GCN1: variants seen among roughly 807,000 people sequenced by gnomAD.
GCN1 encodes the protein GCN1 activator of EIF2AK4.
GCN1 carries 90 observed loss-of-function variants against 288.4 expected under a neutral mutation model. The ratio of observed to expected loss-of-function variants is 0.31; its 90% confidence interval spans 0.26 to 0.37. The LOEUF is 0.37. Ranked by LOEUF, GCN1 falls within the 10% of genes least tolerant of loss-of-function variation. GCN1 has a pLI of 1.00. For missense variants in GCN1, 2,586 were observed against 3,419.9 expected, an observed-to-expected ratio of 0.76 and a Z score of 6.08; for synonymous variants, 1,386 against 1,420.2, an observed-to-expected ratio of 0.98 and a Z score of 0.54.
chr12:120,167,954 C>G (rs943158852), intron 16 of GCN1, among the ~76,000 whole-genome samples: 1 of 152,022 alleles, frequency 6.6e-6, no homozygotes, highest in Non-Finnish European at 1.5e-5. Context: ...ACCCAATCAG[C>G]TATAATTACA....
At chr12:120,182,632 C>T (rs1308962414) in intron 5 of GCN1, among the ~76,000 whole-genome samples, 2 of 152,132 alleles carry the variant, frequency 1.3e-5, no homozygotes. Flanking sequence ...TCAGCCAAGT[C>T]TCATGGACAA....
Position 120,137,563 on chromosome 12 carries a change from G to T in GCN1, c.6645C>A (p.Ala2215=). The T allele has an allele frequency of 6.2e-7, 1 of 1,614,126 alleles. No homozygotes were observed. Among genetic ancestry groups the T allele is most frequent in the Non-Finnish European group, 8.5e-7 (1 of 1,179,990 alleles). The part of the protein sequence containing the change: ...SPVVLEESWD[A]LNAITKKLDA... ...CCCTCACCTTAGTGATGGCATTTAG[G>T]GCATCCCAGCTCTCCTCCAGAACCA... Residue 2215 remains alanine, a synonymous_variant, in exon 49 of 58, where the codon GCC becomes GCA. Transcript: ENST00000300648. This position sits in a 1 kb window ranked among gnomAD's most constrained non-coding sequence, Gnocchi z 5.2.
At chr12:120,149,555 C>T in intron 36 of GCN1, 51 bp downstream of exon 36, 2 of 1,297,624 alleles carry the variant, frequency 1.5e-6, no homozygotes, top group Non-Finnish European at 2.2e-6. Context: ...CTTGCTGAGG[C>T]TGGTTTTCAT....
At chr12:120,183,757 G>C (rs1878739249) in intron 4 of GCN1, 80 bp from the exon 5 acceptor site, 4 of 826,440 alleles carry the variant, frequency 4.8e-6, no homozygotes, top group Non-Finnish European at 8.4e-6. Flanking sequence ...GCCCCGCCTG[G>C]TAATGCAGGA....
rs759230413 is a variant in GCN1, at chr12:120,155,491, C to T, written c.3441-61G>A. On this transcript the variant is annotated intron_variant, in intron 29 of 57. Coordinates refer to ENST00000300648, the MANE Select transcript of GCN1 (RefSeq NM_006836.2). This position sits in a 1 kb window ranked among gnomAD's most constrained non-coding sequence, Gnocchi z 4.9. ...AGATCTGCAGCACTTGCCCTGCCAG[C>T]CCAGCCCTTCTTCCCACTGGAGGCT... The T allele has an allele frequency of 4.0e-5, 64 of 1,601,164 alleles. 1 individual carries two copies. In the South Asian group the frequency reaches 6.6e-4, roughly 17 times the overall value.
chr12:120,192,392 G>A (rs1879031001), intron 1 of GCN1, among the ~76,000 whole-genome samples: 1 of 152,064 alleles, frequency 6.6e-6, no homozygotes, highest in Admixed American at 6.6e-5. Flanking sequence ...AAATGTTCTG[G>A]CCAAATACAG....
In GCN1 at chr12:120,142,546, C is replaced by G; in HGVS notation, c.5790G>C (p.Leu1930=). 1 of 1,613,996 alleles carries G rather than the reference C, an allele frequency of 6.2e-7. No homozygotes were observed. The change falls in exon 44 of 58, where the codon CTG becomes CTC. Residue 1930 remains leucine (L), a synonymous_variant. Coordinates refer to ENST00000300648, the MANE Select transcript of GCN1 (RefSeq NM_006836.2). The surrounding 1 kb of genome is among the most constrained non-coding windows in gnomAD (Gnocchi z 4.9). ...CACACGTGCTGGCCAGGAAACCCAG[C>G]AGGAGCCCAAAGAGAGTGGGTAGGA... ...REILPTLFGL[L]LGFLASTCAD...
At chr12:120,128,517 G>A (rs925644829) in intron 57 of GCN1, among the ~76,000 whole-genome samples, 4 of 151,734 alleles carry the variant, frequency 2.6e-5, no homozygotes, top group Non-Finnish European at 5.9e-5. Context: ...TGTATTTTTA[G>A]TAGAGACGGG....
rs371175163 is a variant in GCN1, at chr12:120,156,652, C to T, written c.3169-48G>A. 68 of 1,597,560 alleles carry T rather than the reference C, an allele frequency of 4.3e-5. No individual in the cohort carries two copies. In the African/African-American group the frequency reaches 9.1e-4, roughly 21 times the overall value. ...GGTTCAGTCAGCAACTCATTTACTA[C>T]TAGGGGGCCAGAGAGGGATATGCAC... On this transcript the variant is annotated intron_variant, in intron 27 of 57. Coordinates refer to ENST00000300648, the MANE Select transcript of GCN1 (RefSeq NM_006836.2). This position sits in a 1 kb window ranked among gnomAD's most constrained non-coding sequence, Gnocchi z 5.8.
intron 45 of GCN1, chr12:120,139,084 C>T (rs1221309744): frequency 3.8e-5 from 13 of 345,812 alleles, no homozygotes; most frequent in East Asian, 1.1e-4. Flanking sequence ...CCAAGGTGGG[C>T]GGATGACTTG....
intron 8 of GCN1, 64 bp from the exon 9 acceptor site, chr12:120,177,619 T>C (rs1373807400): frequency 1.9e-6 from 3 of 1,545,288 alleles, no homozygotes; most frequent in East Asian, 2.2e-5. Flanking sequence ...CAAAAAAGAG[T>C]TCAGCATCCC....
At chr12:120,169,650 T>G (rs145001768) in intron 15 of GCN1, among the ~76,000 whole-genome samples, 4 of 152,070 alleles carry the variant, frequency 2.6e-5, no homozygotes, top group African/African-American at 9.7e-5. Flanking sequence ...ATTACAGGCA[T>G]GCGCCACCAC....
In GCN1 at chr12:120,134,228, A is replaced by G. The variant is rs915786501; in HGVS notation, c.7317+63T>C. 8 of 1,089,310 alleles carry G rather than the reference A, an allele frequency of 7.3e-6. No individual in the cohort carries two copies. Among genetic ancestry groups the G allele is most frequent in the Non-Finnish European group, 1.1e-5 (8 of 707,188 alleles). 67.5% of individuals were successfully genotyped at this position (1,089,310 alleles called of 1,614,324 possible). On this transcript the variant is annotated intron_variant, in intron 53 of 57. Transcript: ENST00000300648. The surrounding 1 kb of genome is among the most constrained non-coding windows in gnomAD (Gnocchi z 5.0). Reference sequence around the variant, plus strand: ...GTTCTAACACAAAGTGAAGAACTCAACCTAAGGAGGAGGAGGGAAACCAGT... The same window carrying G: ...GTTCTAACACAAAGTGAAGAACTCAGCCTAAGGAGGAGGAGGGAAACCAGT...
At chr12:120,150,418 A>G (rs748371522) in intron 34 of GCN1, among the ~76,000 whole-genome samples, 2 of 151,162 alleles carry the variant, frequency 1.3e-5, no homozygotes, top group African/African-American at 4.9e-5. Context: ...AACATGGTGA[A>G]ACCCTGTCTC....
At chr12:120,182,790 A>G (rs1878704210) in intron 5 of GCN1, among the ~76,000 whole-genome samples, 1 of 152,118 alleles carries the variant, frequency 6.6e-6, no homozygotes, top group African/African-American at 2.4e-5. Context: ...ATACAAAAGA[A>G]TTAGCCAGGT....
intron 5 of GCN1, among the ~76,000 whole-genome samples, chr12:120,183,097 G>A (rs912808635): frequency 5.9e-5 from 9 of 152,202 alleles, no homozygotes; most frequent in Non-Finnish European, 2.9e-5. Flanking sequence ...AGCAGGTAGA[G>A]AATGGAAAGA....
At chr12:120,182,963 T>C (rs1444877296) in intron 5 of GCN1, among the ~76,000 whole-genome samples, 2 of 148,930 alleles carry the variant, frequency 1.3e-5, no homozygotes, top group East Asian at 4.0e-4. Flanking sequence ...CTACTCCTCA[T>C]GACCTACACT....
chr12:120,175,143 A>C lies in GCN1; in HGVS notation c.1093+19T>G, dbSNP rs761292191. The stretch of plus-strand genomic sequence containing the variant: ...CTTTCTCTCAAAAAAAAAAAAAAAA[A>C]AAAAAAGAAATCCTATACCTGAGAG... On this transcript the variant is annotated intron_variant, in intron 12 of 57. Transcript: ENST00000300648. The C allele has an allele frequency of 2.3e-5, 36 of 1,571,240 alleles. No homozygotes were observed. The highest frequency in any genetic ancestry group is 3.1e-5 in the Non-Finnish European group (36 of 1,161,868).
Position 120,137,173 on chromosome 12 carries a change from G to A in GCN1, c.6777+33C>T, listed in dbSNP as rs756414608. 9.4e-6 allele frequency: 14 copies of A among 1,484,384 alleles called. No homozygotes were observed. Among genetic ancestry groups the A allele is most frequent in the South Asian group, 9.0e-5 (8 of 88,498 alleles). The allele number at this position is 1,484,384 out of a possible 1,614,324, so 92.0% of individuals were successfully genotyped here. A position where few individuals can be genotyped will look rare whatever the true frequency, so the allele number is the denominator to read the frequency against. On this transcript the variant is annotated intron_variant, in intron 50 of 57. Transcript: ENST00000300648. This position sits in a 1 kb window ranked among gnomAD's most constrained non-coding sequence, Gnocchi z 5.2. ...GCCAGAAGGGCACAACAGACTGCAC[G>A]CCCACAGCCCCCTGCACGAGGCCCT...
Sources: allele counts gnomAD v4.1 joint callset (sites outside exome capture counted in the v4.1 genomes callset), GRCh38; gene constraint gnomAD v4.1.1; non-coding constraint Gnocchi (gnomAD v3.1); transcripts MANE v1.5; gene names NCBI Gene and HGNC (gene_info 2026-07-23, HGNC 2026-07-21).